The following FAAP100 variants were observed in gnomAD, a reference collection of about 807,000 sequenced individuals.
FAAP100 encodes the protein FA core complex associated protein 100.
A neutral mutation model predicts 65.8 loss-of-function variants in FAAP100; 46 were observed. The ratio of observed to expected loss-of-function variants is 0.70; its 90% confidence interval spans 0.55 to 0.89. The LOEUF is 0.89. Among genes scored for constraint, FAAP100 ranks in the 40% least tolerant of loss-of-function variants. The pLI, the probability that FAAP100 is intolerant of heterozygous loss-of-function variation, is 0.00. For missense variants in FAAP100, 1,165 were observed against 1,196.7 expected (o/e 0.97, Z 0.39); for synonymous variants, 663 against 555.1 (o/e 1.19, Z -2.73).
At position 81,544,132 on chromosome 17, in the gene FAAP100, G is replaced by C. The variant is rs759251664; in HGVS notation, c.2311-12C>G. The C allele has an allele frequency of 2.5e-6, 4 of 1,594,154 alleles. No individual in the cohort carries two copies. Among genetic ancestry groups the C allele is most frequent in the Non-Finnish European group, 3.4e-6 (4 of 1,163,202 alleles). Reference sequence around the variant, plus strand: ...TCAGTCATGGCCACCTGCAACACAGGAGCCACCTCACTGCCTGCCTGTGGC... The same window carrying C: ...TCAGTCATGGCCACCTGCAACACAGCAGCCACCTCACTGCCTGCCTGTGGC... On this transcript the variant is annotated splice_polypyrimidine_tract_variant and intron_variant, in intron 6 of 8. Transcript: ENST00000327787.
intron 7 of FAAP100, 72 bp from the exon 8 acceptor site, chr17:81,541,467 G>C (rs1423301911): frequency 2.2e-6 from 3 of 1,360,172 alleles, no homozygotes; most frequent in Non-Finnish European, 3.1e-6. Flanking sequence ...GGAGCAGGGT[G>C]ACCCTCTCCC....
chr17:81,543,509 C>G (rs1275348080), intron 7 of FAAP100, among the ~76,000 whole-genome samples: 1 of 152,136 alleles, frequency 6.6e-6, no homozygotes, highest in Admixed American at 6.5e-5. Context: ...TGGCTCTGGG[C>G]ACAGCATGGA....
rs1182475583 is a variant in FAAP100 at position 81,544,106 on chromosome 17, G to C, written c.2325C>G (p.Asp775Glu). 8.1e-6 allele frequency: 13 copies of C among 1,611,444 alleles called. No homozygotes were observed. Among genetic ancestry groups the C allele is most frequent in the Non-Finnish European group, 1.1e-5 (13 of 1,178,892 alleles). The part of the protein sequence containing the change: ...HLIVREVAMT[D>E]LCPAGPIQAV... Reference sequence around the variant, plus strand: ...CCTGGATGGGCCCTGCTGGGCACAGGTCAGTCATGGCCACCTGCAACACAG... The same window carrying C: ...CCTGGATGGGCCCTGCTGGGCACAGCTCAGTCATGGCCACCTGCAACACAG... The change falls in exon 7 of 9, where the codon GAC (aspartate) becomes GAG (glutamate). Residue 775 changes from aspartate (D) to glutamate (E), a missense_variant. Coordinates refer to ENST00000327787, the MANE Select transcript of FAAP100 (RefSeq NM_025161.6).
rs373771499 is a variant in FAAP100, at chr17:81,540,921, G to T, written c.2544C>A (p.Arg848=). The change falls in exon 9 of 9, where the codon CGC becomes CGA. Residue 848 remains arginine (R), a synonymous_variant. Transcript: ENST00000327787. ...ETLLREVQTL[R]DRLCTEDEAS... is the part of the protein sequence containing the mutation. Reference sequence around the variant, plus strand: ...CCTCATCCTCCGTGCAGAGCCGGTCGCGCAGGGTCTGCACCTCCCGCAGCA... The same window carrying T: ...CCTCATCCTCCGTGCAGAGCCGGTCTCGCAGGGTCTGCACCTCCCGCAGCA... The T allele has an allele frequency of 1.6e-5, 25 of 1,592,454 alleles. No individual in the cohort carries two copies. The highest frequency in any genetic ancestry group is 1.1e-4 in the East Asian group (5 of 44,332).
intron 6 of FAAP100, among the ~76,000 whole-genome samples, chr17:81,544,677 C>T (rs1437661170): frequency 2.0e-5 from 3 of 152,196 alleles, no homozygotes; most frequent in Non-Finnish European, 2.9e-5. Context: ...GCCAGGAAGC[C>T]GGGCTTATTC....
Position 81,550,371 on chromosome 17 carries a change from T to C in FAAP100, c.1123A>G (p.Ser375Gly). ...GGCTGCTCAGGGCCCAGCGGGGTGC[T>C]TCCCCGAGACAGATCCACCACACAG... The part of the protein sequence containing the change: ...DLCVVDLSRG[S>G]TPLGPEQPEE... Residue 375 changes from serine to glycine, a missense_variant, in exon 3 of 9, where the codon AGC (serine) becomes GGC (glycine). Transcript: ENST00000327787. The C allele has an allele frequency of 6.2e-7, 1 of 1,612,734 alleles. No individual in the cohort carries two copies. Among genetic ancestry groups the C allele is most frequent in the Non-Finnish European group, 8.5e-7 (1 of 1,179,980 alleles).
intron 8 of FAAP100, 63 bp from the exon 9 acceptor site, chr17:81,541,013 T>A: frequency 1.3e-6 from 2 of 1,485,204 alleles, no homozygotes; most frequent in Admixed American, 2.2e-5. Context: ...ACTGGGTACC[T>A]CTGGGGGACC....
chr17:81,549,356 G>A lies in FAAP100; in HGVS notation c.1253C>T (p.Thr418Ile), dbSNP rs760568062. The A allele has an allele frequency of 1.1e-5, 18 of 1,606,004 alleles. No individual in the cohort carries two copies. Among genetic ancestry groups the A allele is most frequent in the Non-Finnish European group, 1.4e-5 (17 of 1,176,568 alleles). Residue 418 changes from threonine to isoleucine, a missense_variant, in exon 4 of 9, where the codon ACC (threonine) becomes ATC (isoleucine). Thr to Ile is a moderately conservative substitution (Grantham distance 89, BLOSUM62 -1). Coordinates refer to ENST00000327787, the MANE Select transcript of FAAP100 (RefSeq NM_025161.6). The stretch of plus-strand genomic sequence containing the variant: ...TTTGGCGGACAGGGCCAGGAGCTTG[G>A]TGCCACCTGGTGACAGACACACATG... ...SASPRTHEGGTKLLALSAKGR... is the reference protein window; with the variant it reads ...SASPRTHEGGIKLLALSAKGR...
chr17:81,545,783 G>C lies in FAAP100; in HGVS notation c.2273C>G (p.Ala758Gly). 6.2e-7 allele frequency: 1 copy of C among 1,612,344 alleles called. No individual in the cohort carries two copies. The highest frequency in any genetic ancestry group is 8.5e-7 in the Non-Finnish European group (1 of 1,179,838). The change falls in exon 6 of 9, where the codon GCC becomes GGC. Residue 758 changes from alanine to glycine, a missense_variant. By Grantham distance (60) the Ala-to-Gly change is moderately conservative. Transcript: ENST00000327787. The part of the protein sequence containing the change: ...ARALSSIQGV[A>G]PDGANVHLIV... Reference sequence around the variant, plus strand: ...GAGGTGAACGTTGGCGCCATCAGGGGCCACTCCCTGGATGGAAGATAGTGC... The same window carrying C: ...GAGGTGAACGTTGGCGCCATCAGGGCCCACTCCCTGGATGGAAGATAGTGC...
At chr17:81,541,600 G>A (rs2033098763) in intron 7 of FAAP100, among the ~76,000 whole-genome samples, 1 of 152,244 alleles carries the variant, frequency 6.6e-6, no homozygotes, top group Non-Finnish European at 1.5e-5. Context: ...AGAGCCCCTG[G>A]CCTGACAGTT....
In FAAP100 at chr17:81,545,730, C is replaced by G. The variant is rs2033274819; in HGVS notation, c.2310+16G>C. The G allele has an allele frequency of 6.2e-7, 1 of 1,605,886 alleles. No homozygotes were observed. The highest frequency in any genetic ancestry group is 8.5e-7 in the Non-Finnish European group (1 of 1,175,974). On this transcript the variant is annotated intron_variant, in intron 6 of 8. Transcript: ENST00000327787. ...ACTGCTGGTGCCGTGGCTCGTTTCC[C>G]TGAACCCCTGCTTGCCTCTCGGACG...
chr17:81,547,651 G>C lies in FAAP100; in HGVS notation c.1431C>G (p.Asp477Glu), dbSNP rs768416386. Residue 477 changes from aspartate (D) to glutamate (E), a missense_variant, in exon 5 of 9, where the codon GAC (aspartate) becomes GAG (glutamate). Asp to Glu is a conservative substitution (Grantham distance 45). Transcript: ENST00000327787. ...ERVSFLKKAV[D>E]QRNKALTSLN... ...GGCTTGTCAGTGCCTTGTTCCGCTGGTCAACCGCCTTCTTTAGAAAAGACA... is the reference window on the plus strand; with the variant it reads ...GGCTTGTCAGTGCCTTGTTCCGCTGCTCAACCGCCTTCTTTAGAAAAGACA... The C allele has an allele frequency of 1.2e-6, 2 of 1,610,794 alleles. No individual in the cohort carries two copies. The highest frequency in any genetic ancestry group is 2.7e-5 in the African/African-American group (2 of 74,892).
intron 2 of FAAP100, 116 bp from the exon 3 acceptor site, chr17:81,551,319 G>A (rs1045366458): frequency 9.6e-7 from 1 of 1,045,232 alleles, no homozygotes; most frequent in Non-Finnish European, 1.3e-6. Flanking sequence ...GACCCCCAAG[G>A]CCGCTCAGCA....
chr17:81,543,150 G>T (rs575117650), intron 7 of FAAP100, among the ~76,000 whole-genome samples: 4 of 152,340 alleles, frequency 2.6e-5, no homozygotes, highest in Non-Finnish European at 5.9e-5. Context: ...TGAGCCACCT[G>T]CCAGGGCTGG....
chr17:81,543,999 C>T lies in FAAP100; in HGVS notation c.2427+5G>A. On this transcript the variant is annotated splice_donor_5th_base_variant and intron_variant, in intron 7 of 8. Transcript: ENST00000327787. ...CTGGCCACCTTCCCCAGCGGGCCGACATACCTGCATGCGCCCGACAACGGC... is the reference window on the plus strand; with the variant it reads ...CTGGCCACCTTCCCCAGCGGGCCGATATACCTGCATGCGCCCGACAACGGC... 1 of 1,609,416 alleles carries T rather than the reference C, an allele frequency of 6.2e-7. No homozygotes were observed. Among genetic ancestry groups the T allele is most frequent in the South Asian group, 1.1e-5 (1 of 90,818 alleles).
chr17:81,547,954 G>A (rs1568096841), intron 4 of FAAP100: 1 of 703,770 alleles, frequency 1.4e-6, no homozygotes, highest in Non-Finnish European at 2.6e-6. Flanking sequence ...TGGTGCTCCG[G>A]GGACCTAGGC....
rs2033088708 is a variant in FAAP100 at position 81,541,367 on chromosome 17, C to T, written c.2456G>A (p.Gly819Asp). The T allele has an allele frequency of 1.9e-6, 3 of 1,611,312 alleles. No individual in the cohort carries two copies. The highest frequency in any genetic ancestry group is 2.5e-6 in the Non-Finnish European group (3 of 1,179,624). The change falls in exon 8 of 9, where the codon GGC becomes GAC. Residue 819 changes from glycine (G) to aspartate (D), a missense_variant. By Grantham distance (94) the Gly-to-Asp change is moderately conservative. Transcript: ENST00000327787. Reference sequence around the variant, plus strand: ...CACACGGAGATCAGGAGCGCTGGAGCCCTGGGTGGCCTGCTCTGTCACCAT... The same window carrying T: ...CACACGGAGATCAGGAGCGCTGGAGTCCTGGGTGGCCTGCTCTGTCACCAT... ...QTMVTEQATQ[G>D]SSAPDLRVQY...
chr17:81,549,230 G>T lies in FAAP100; in HGVS notation c.1379C>A (p.Ser460Tyr), dbSNP rs1279621714. 6.2e-7 allele frequency: 1 copy of T among 1,612,702 alleles called. No individual in the cohort carries two copies. The highest frequency in any genetic ancestry group is 8.5e-7 in the Non-Finnish European group (1 of 1,179,962). ...SAGQKIKELL[S>Y]GIGNISERVS... ...CCTCTCAGAGATGTTGCCAATTCCA[G>T]ACAGCAGCTCCTTTATTTTCTGACC... is the stretch of plus-strand genomic sequence containing the variant. Residue 460 changes from serine to tyrosine, a missense_variant, in exon 4 of 9, where the codon TCT becomes TAT. Physicochemically the swap from Ser to Tyr is moderately radical, Grantham distance 144. Transcript: ENST00000327787.
At chr17:81,541,020 G>GA in intron 8 of FAAP100, 70 bp from the exon 9 acceptor site, 1 of 1,468,522 alleles carries the variant, frequency 6.8e-7, no homozygotes. Flanking sequence ...ACCTCTGGGG[G>GA]ACCCACCACT....
Sources: gnomAD v4.1 joint callset for allele counts (sites outside exome capture counted in the v4.1 genomes callset) on GRCh38, gnomAD v4.1.1 for gene constraint, MANE v1.5 for transcripts, NCBI Gene and HGNC (gene_info 2026-07-23, HGNC 2026-07-21) for gene names.